SOX5: variants seen among roughly 807,000 people sequenced by gnomAD.
The protein encoded by SOX5 is SRY-box transcription factor 5.
A neutral mutation model predicts 92.0 loss-of-function variants in SOX5; 9 were observed. That is an observed-to-expected ratio of 0.10 (90% CI 0.06 to 0.17). The LOEUF (loss-of-function observed/expected upper bound fraction) is 0.17, where lower values mean the gene tolerates loss of function less well. Among genes scored for constraint, SOX5 ranks in the 10% least tolerant of loss-of-function variants. SOX5 has a pLI of 1.00. For synonymous variants in SOX5, 344 were observed against 336.3 expected, an observed-to-expected ratio of 1.02 and a Z score of -0.25; for missense variants, 642 against 944.5, an observed-to-expected ratio of 0.68 and a Z score of 4.20.
upstream of SOX5, chr12:23,950,852 G>C (rs990156535): frequency 7.9e-6 from 12 of 1,523,834 alleles, no homozygotes; most frequent in Admixed American, 7.9e-5. Flanking sequence ...CATACACACA[G>C]AGAGAGAGAC....
intron 1 of SOX5, among the ~76,000 whole-genome samples, chr12:24,475,578 TCA>T (rs1945275661): frequency 1.3e-5 from 2 of 152,212 alleles, no homozygotes; most frequent in South Asian, 4.1e-4. Context: ...CTCGGCTTCA[TCA>T]CTGTACTGGA....
chr12:24,210,017 C>CAAAAAA (rs1173723179), intron 4 of SOX5, among the ~76,000 whole-genome samples: 17 of 62,704 alleles, frequency 2.7e-4, no homozygotes, highest in East Asian at 8.1e-4. Context: ...GACTCCGTCT[C>CAAAAAA]AAAAAAAAAA....
At chr12:24,305,887 G>A (rs371572418) in intron 2 of SOX5, among the ~76,000 whole-genome samples, 4 of 152,126 alleles carry the variant, frequency 2.6e-5, no homozygotes, top group South Asian at 2.1e-4. Flanking sequence ...GTGAGCCACC[G>A]CGCCCAGCCG....
upstream of SOX5, among the ~76,000 whole-genome samples, chr12:23,952,287 T>C (rs748809799): frequency 2.1e-4 from 32 of 152,126 alleles, no homozygotes; most frequent in Non-Finnish European, 3.4e-4. Context: ...ATAATGGCCA[T>C]AAGGCAGGAT....
chr12:24,252,172 C>T (rs16927351), intron 3 of SOX5, among the ~76,000 whole-genome samples: 3,186 of 152,218 alleles, frequency 0.021, 115 homozygotes, highest in African/African-American at 0.073. Flanking sequence ...GACCCATTTC[C>T]TCTCATTCTT....
intron 4 of SOX5, among the ~76,000 whole-genome samples, chr12:24,081,341 T>C (rs964871407): frequency 1.3e-5 from 2 of 152,044 alleles, no homozygotes; most frequent in Admixed American, 1.3e-4. Flanking sequence ...AAATGTAGAA[T>C]TAATTTTGGC....
At chr12:23,790,774 T>C (rs1188543940) in intron 3 of SOX5, among the ~76,000 whole-genome samples, 2 of 152,144 alleles carry the variant, frequency 1.3e-5, no homozygotes, top group African/African-American at 2.4e-5. Flanking sequence ...TGTACCCTAC[T>C]AATAAAAGTT....
intron 1 of SOX5, among the ~76,000 whole-genome samples, chr12:24,403,923 T>C (rs1184134221): frequency 6.7e-6 from 1 of 150,314 alleles, no homozygotes; most frequent in Non-Finnish European, 1.5e-5. Context: ...TGGAATAAAA[T>C]AGTGACAAAT....
chr12:24,106,569 T>C (rs1946694258), intron 4 of SOX5, among the ~76,000 whole-genome samples: 1 of 151,938 alleles, frequency 6.6e-6, no homozygotes, highest in South Asian at 2.1e-4. Flanking sequence ...CGCAGGCGGA[T>C]CACCTGAGGT....
Position 23,761,786 on chromosome 12 carries a change from T to C in SOX5, c.482-6062A>G, listed in dbSNP as rs74727683. On this transcript the variant is annotated intron_variant, in intron 3 of 14. Transcript: ENST00000451604. Reference sequence around the variant, plus strand: ...GGTGGTACTGTGGGCTAGTCTGTTTTAGAACTAAGTATTATTAACTCGATA... The same window carrying C: ...GGTGGTACTGTGGGCTAGTCTGTTTCAGAACTAAGTATTATTAACTCGATA... Among the ~76,000 whole-genome samples the C allele has an allele frequency of 5.6e-3, 859 of 152,260 alleles. 6 individuals are homozygous for C. Among genetic ancestry groups the C allele is most frequent in the Non-Finnish European group, 8.4e-3 (568 of 68,008 alleles).
At position 24,026,731 on chromosome 12, in the gene SOX5, G is replaced by C. The variant is rs567742977; in HGVS notation, c.-1-130707C>G. Among the ~76,000 whole-genome samples the C allele has an allele frequency of 9.2e-5, 14 of 151,568 alleles. 1 individual carries two copies. In the South Asian group the frequency reaches 2.9e-3, roughly 32 times the overall value. Reference sequence around the variant, plus strand: ...CTTTAAAGTTCTCCATAGCAAATCTGCAACTGTGTTAATGTAAACTCATTC... The same window carrying C: ...CTTTAAAGTTCTCCATAGCAAATCTCCAACTGTGTTAATGTAAACTCATTC... On this transcript the variant is annotated intron_variant, in intron 4 of 4. Coordinates refer to the SOX5 transcript ENST00000446891.
intron 4 of SOX5, among the ~76,000 whole-genome samples, chr12:23,998,589 G>A (rs1269620239): frequency 6.6e-6 from 1 of 151,902 alleles, no homozygotes; most frequent in African/African-American, 2.4e-5. Flanking sequence ...TGGATCACGA[G>A]GTCAGGAGTT....
chr12:24,554,176 C>T (rs1953512936), intron 1 of SOX5, among the ~76,000 whole-genome samples: 1 of 152,186 alleles, frequency 6.6e-6, no homozygotes, highest in South Asian at 2.1e-4. Flanking sequence ...CAAACAACGT[C>T]AGCTCTTAGT....
At chr12:23,970,841 A>ATATATATATATATATTTTTTTTTTTTT in intron 4 of SOX5, among the ~76,000 whole-genome samples, 1 of 21,884 alleles carries the variant, frequency 4.6e-5, no homozygotes, top group East Asian at 8.7e-4. Flanking sequence ...TATATATATA[A>ATATATATATATATATTTTTTTTTTTTT]TTTTTTTTTT....
At chr12:24,219,012 T>A (rs757415887) in intron 3 of SOX5, among the ~76,000 whole-genome samples, 1 of 152,072 alleles carries the variant, frequency 6.6e-6, no homozygotes, top group Non-Finnish European at 1.5e-5. Flanking sequence ...TTGTTAATAG[T>A]TGGAAATCAT....
Position 24,370,476 on chromosome 12 carries a change from CAAA to C in SOX5, c.-250-1840_-250-1838del, listed in dbSNP as rs57192965. On this transcript the variant is annotated intron_variant, in intron 1 of 4. Coordinates refer to the SOX5 transcript ENST00000446891. ...TGGGCGACACTGCAAGACTCCGTCTCAAAAAAAAAAAAAAAAAAAGATGTATTG... is the reference window on the plus strand; with the variant it reads ...TGGGCGACACTGCAAGACTCCGTCTCAAAAAAAAAAAAAAAAGATGTATTG... 9.5e-4 allele frequency among the ~76,000 whole-genome samples: 76 copies of C among 79,716 alleles called. No homozygotes were observed. The Middle Eastern group carries it at 0.025, about 27-fold the overall frequency. 52.3% of individuals were successfully genotyped at this position (79,716 alleles called of 152,430 possible). A position where few individuals can be genotyped will look rare whatever the true frequency, so the allele number is the denominator to read the frequency against.
intron 3 of SOX5, among the ~76,000 whole-genome samples, chr12:24,246,267 A>T (rs1179633531): frequency 6.6e-6 from 1 of 150,988 alleles, no homozygotes; most frequent in Admixed American, 6.6e-5. Context: ...TGATGTTCTC[A>T]AATTACAGAC....
intron 4 of SOX5, among the ~76,000 whole-genome samples, chr12:24,159,878 A>ATT (rs1192482896): frequency 6.6e-6 from 1 of 152,038 alleles, no homozygotes; most frequent in African/African-American, 2.4e-5. Context: ...CGAAAAGTAT[A>ATT]TTCTCCCCAG....
chr12:24,472,440 C>T (rs1944915404), intron 1 of SOX5, among the ~76,000 whole-genome samples: 1 of 152,186 alleles, frequency 6.6e-6, no homozygotes, highest in Non-Finnish European at 1.5e-5. Context: ...TCATTCCTTC[C>T]ACCTTAGCAT....
Sources: gnomAD v4.1 joint callset for allele counts (sites outside exome capture counted in the v4.1 genomes callset) on GRCh38, gnomAD v4.1.1 for gene constraint, MANE v1.5 for transcripts, NCBI Gene and HGNC (gene_info 2026-07-23, HGNC 2026-07-21) for gene names.